Variants in ADPGK observed in about 807,000 individuals in gnomAD.
ADPGK encodes the protein ADP-dependent glucokinase.
Under a neutral mutation model 42.4 loss-of-function variants are expected in ADPGK, and 26 were observed. That is an observed-to-expected ratio of 0.61 (90% CI 0.45 to 0.85). The LOEUF (loss-of-function observed/expected upper bound fraction) is 0.85. Ranked by LOEUF, ADPGK falls within the 40% of genes least tolerant of loss-of-function variation. The pLI is 0.00. For synonymous variants in ADPGK, 267 were observed against 252.6 expected (o/e 1.06, Z -0.54); for missense variants, 571 against 627.0 (o/e 0.91, Z 0.95).
Position 72,752,430 on chromosome 15 carries a change from C to T in ADPGK, c.1405G>A (p.Val469Met), listed in dbSNP as rs751901767. ...ACAGTTCGAATGGGGTCTTTACACACCAATACTGGTGTGAAGTGGAAGGAT... is the reference window on the plus strand; with the variant it reads ...ACAGTTCGAATGGGGTCTTTACACATCAATACTGGTGTGAAGTGGAAGGAT... ...GISFHFTPVL[V>M]CKDPIRTVGL... The change falls in exon 7 of 7, where the codon GTG becomes ATG. Residue 469 changes from valine to methionine, a missense_variant. Transcript: ENST00000456471. 1.2e-6 allele frequency: 2 copies of T among 1,614,226 alleles called. No individual in the cohort carries two copies. The highest frequency in any genetic ancestry group is 1.7e-6 in the Non-Finnish European group (2 of 1,180,044).
chr15:72,772,661 TCTG>T, intron 2 of ADPGK, among the ~76,000 whole-genome samples: 1 of 152,160 alleles, frequency 6.6e-6, no homozygotes, highest in East Asian at 1.9e-4. Context: ...ACTGTCTTCT[TCTG>T]AAGTGTTCAG....
chr15:72,754,800 G>C (rs1456889317), intron 6 of ADPGK, among the ~76,000 whole-genome samples: 1 of 152,142 alleles, frequency 6.6e-6, no homozygotes, highest in East Asian at 1.9e-4. Context: ...GTGAAGAACA[G>C]AGTATTCAGT....
chr15:72,752,243 G>T lies in ADPGK; in HGVS notation c.*98C>A. On this transcript the variant is annotated 3_prime_UTR_variant, in exon 7 of 7. Transcript: ENST00000456471. The stretch of plus-strand genomic sequence containing the variant: ...GAATGTACCTGATACAGTTTAATCT[G>T]CTTTTATTTCTTTGGCTGTCTTCCA... The T allele has an allele frequency of 1.6e-6, 2 of 1,213,022 alleles. No homozygotes were observed. The highest frequency in any genetic ancestry group is 2.3e-6 in the Non-Finnish European group (2 of 884,462). 75.1% of individuals were successfully genotyped at this position (1,213,022 alleles called of 1,614,324 possible).
intron 2 of ADPGK, among the ~76,000 whole-genome samples, chr15:72,774,540 C>T (rs1046394238): frequency 6.6e-6 from 1 of 152,174 alleles, no homozygotes; most frequent in East Asian, 1.9e-4. Context: ...TTCTACCTTG[C>T]AGACCAGTGG....
At chr15:72,753,323 T>C (rs944522679) in intron 6 of ADPGK, among the ~76,000 whole-genome samples, 1 of 152,230 alleles carries the variant, frequency 6.6e-6, no homozygotes, top group African/African-American at 2.4e-5. Context: ...AGGGTTATAA[T>C]GATTTTTTTT....
intron 4 of ADPGK, chr15:72,758,302 T>G: frequency 1.4e-6 from 1 of 702,330 alleles, no homozygotes; most frequent in Admixed American, 2.0e-5. Flanking sequence ...CTGTAAGCAA[T>G]CTCTTCTCAA....
In ADPGK at chr15:72,752,240, T is replaced by C; in HGVS notation, c.*101A>G. ...CTGGAATGTACCTGATACAGTTTAATCTGCTTTTATTTCTTTGGCTGTCTT... is the reference window on the plus strand; with the variant it reads ...CTGGAATGTACCTGATACAGTTTAACCTGCTTTTATTTCTTTGGCTGTCTT... On this transcript the variant is annotated 3_prime_UTR_variant, in exon 7 of 7. Coordinates refer to ENST00000456471, the MANE Select transcript of ADPGK (RefSeq NM_001365225.1). 1.7e-6 allele frequency: 2 copies of C among 1,192,050 alleles called. No individual in the cohort carries two copies. Among genetic ancestry groups the C allele is most frequent in the South Asian group, 1.6e-5 (1 of 62,906 alleles). 73.8% of individuals were successfully genotyped at this position (1,192,050 alleles called of 1,614,324 possible).
intron 5 of ADPGK, chr15:72,755,864 G>A: frequency 1.5e-6 from 1 of 661,038 alleles, no homozygotes; most frequent in Non-Finnish European, 2.8e-6. Flanking sequence ...AGAGCCATCA[G>A]GGATACAGAA....
chr15:72,775,780 G>A (rs1339759146), intron 1 of ADPGK, among the ~76,000 whole-genome samples: 1 of 151,962 alleles, frequency 6.6e-6, no homozygotes, highest in Non-Finnish European at 1.5e-5. Context: ...TTTGGCCAGT[G>A]TTCACAGGAC....
rs112429406 is a variant in ADPGK at position 72,776,902 on chromosome 15, A to C, written c.234-1805T>G. On this transcript the variant is annotated intron_variant, in intron 1 of 6. Transcript: ENST00000456471. ...ACTGGAGAAGCATAACCTAAGATTT[A>C]CTATGCCTTTCAGTGCATAAAACAT... 9.5e-3 allele frequency among the ~76,000 whole-genome samples: 1,443 copies of C among 152,304 alleles called. 27 individuals are homozygous for C. Among genetic ancestry groups the C allele is most frequent in the African/African-American group, 0.033 (1,359 of 41,558 alleles).
intron 3 of ADPGK, among the ~76,000 whole-genome samples, chr15:72,769,143 A>G (rs888599259): frequency 6.6e-6 from 1 of 152,238 alleles, no homozygotes; most frequent in African/African-American, 2.4e-5. Flanking sequence ...AGTAAACTGA[A>G]TATGTGAAAA....
intron 1 of ADPGK, 57 bp downstream of exon 1, chr15:72,783,402 C>T (rs2066493672): frequency 7.6e-7 from 1 of 1,315,314 alleles, no homozygotes; most frequent in Admixed American, 4.2e-5. Context: ...CGCGGCTCCG[C>T]CCGACCTCCA....
Position 72,752,855 on chromosome 15 carries a change from T to C in ADPGK, c.980A>G (p.Gln327Arg), listed in dbSNP as rs765606929. 2 of 1,614,156 alleles carry C rather than the reference T, an allele frequency of 1.2e-6. No individual in the cohort carries two copies. The highest frequency in any genetic ancestry group is 1.1e-5 in the South Asian group (1 of 91,084). ...PAVTSLGLNE[Q>R]ELLFLTQSAS... The stretch of plus-strand genomic sequence containing the variant: ...TGACTGGGTGAGAAATAACAGCTCC[T>C]GTTCATTCAGCCCAAGGGAAGTCAC... Residue 327 changes from glutamine to arginine, a missense_variant, in exon 7 of 7, where the codon CAG (glutamine) becomes CGG (arginine). Around this residue, in one of 2 missense-constraint regions of ADPGK, gnomAD observed 434 missense variants for 522.7 expected, o/e 0.83. Coordinates refer to ENST00000456471, the MANE Select transcript of ADPGK (RefSeq NM_001365225.1).
intron 4 of ADPGK, among the ~76,000 whole-genome samples, chr15:72,759,380 T>A (rs191271358): frequency 4.6e-5 from 7 of 151,222 alleles, no homozygotes; most frequent in African/African-American, 1.7e-4. Flanking sequence ...AAAACTTGTG[T>A]AGCATTAAGT....
At chr15:72,778,564 A>G (rs914893390) in intron 1 of ADPGK, among the ~76,000 whole-genome samples, 9 of 152,154 alleles carry the variant, frequency 5.9e-5, no homozygotes, top group African/African-American at 2.2e-4. Flanking sequence ...ACAACTAGAA[A>G]ATAGGTCAAG....
chr15:72,771,713 T>G, intron 3 of ADPGK, 70 bp downstream of exon 3: 1 of 1,399,146 alleles, frequency 7.1e-7, no homozygotes, highest in Non-Finnish European at 1.0e-6. Flanking sequence ...GAATAGATAC[T>G]CATTCTTGCT....
chr15:72,771,083 C>T (rs2066323581), intron 3 of ADPGK, among the ~76,000 whole-genome samples: 1 of 152,230 alleles, frequency 6.6e-6, no homozygotes, highest in South Asian at 2.1e-4. Context: ...TCTGGCTGCT[C>T]TAATCCAAAC....
rs562768099 is a variant in ADPGK at position 72,759,431 on chromosome 15, C to T, written c.643+976G>A. 5.9e-5 allele frequency among the ~76,000 whole-genome samples: 9 copies of T among 152,308 alleles called. No individual in the cohort carries two copies. The East Asian group carries it at 1.7e-3, about 29-fold the overall frequency. On this transcript the variant is annotated intron_variant, in intron 4 of 6. Transcript: ENST00000456471. ...CAACGCTGTGTCCCTAATTTTCAGA[C>T]CCTATCCTTCTTTAATTCCCAACTG...
At chr15:72,776,082 T>C (rs1200998776) in intron 1 of ADPGK, among the ~76,000 whole-genome samples, 1 of 152,176 alleles carries the variant, frequency 6.6e-6, no homozygotes, top group East Asian at 1.9e-4. Context: ...GTACTTAATA[T>C]ACATCAGTGG....
Sources: allele counts gnomAD v4.1 joint callset (sites outside exome capture counted in the v4.1 genomes callset), GRCh38; gene constraint gnomAD v4.1.1; regional missense constraint gnomAD v4.1.1; transcripts MANE v1.5; gene names NCBI Gene and HGNC (gene_info 2026-07-23, HGNC 2026-07-21).